Variants in TLN2 observed in about 807,000 individuals in gnomAD.
The protein encoded by TLN2 is talin 2, also known as talin-2.
Under a neutral mutation model 294.7 loss-of-function variants are expected in TLN2, and 118 were observed. The observed-to-expected ratio is 0.40, with a 90% CI of 0.34 to 0.47. The LOEUF is 0.47. Among genes scored for constraint, TLN2 ranks in the 20% least tolerant of loss-of-function variants. The probability of loss-of-function intolerance (pLI) is 0.84; values close to 1 mark genes in which losing one functional copy is unlikely to be tolerated. For synonymous variants in TLN2, 1,431 were observed against 1,304.5 expected (o/e 1.10, Z -2.09); for missense variants, 3,083 against 3,282.2 (o/e 0.94, Z 1.48).
chr15:62,788,798 C>T (rs1410027848), intron 45 of TLN2, among the ~76,000 whole-genome samples: 2 of 152,242 alleles, frequency 1.3e-5, no homozygotes, highest in African/African-American at 2.4e-5. Context: ...CCTTTTCCAG[C>T]AGTACACATT....
At chr15:62,770,884 C>A in intron 41 of TLN2, 80 bp from the exon 42 acceptor site, 2 of 1,515,552 alleles carry the variant, frequency 1.3e-6, no homozygotes, top group Non-Finnish European at 1.8e-6. Flanking sequence ...GTTCCCCTCC[C>A]GCGCCTGACT....
chr15:62,495,934 A>G (rs909648482), intron 1 of TLN2, among the ~76,000 whole-genome samples: 1 of 151,554 alleles, frequency 6.6e-6, no homozygotes, highest in Non-Finnish European at 1.5e-5. Context: ...TCTTATCTGT[A>G]AGTTCTAGGC....
At chr15:62,464,388 A>C (rs2036990418) in intron 1 of TLN2, among the ~76,000 whole-genome samples, 1 of 152,132 alleles carries the variant, frequency 6.6e-6, no homozygotes, top group Non-Finnish European at 1.5e-5. Context: ...ACACTTGGAC[A>C]CAGGAAGGGG....
chr15:62,744,359 C>G (rs2061495487), intron 32 of TLN2, among the ~76,000 whole-genome samples: 1 of 151,516 alleles, frequency 6.6e-6, no homozygotes, highest in Non-Finnish European at 1.5e-5. Flanking sequence ...TTGCAAACAC[C>G]TTGCCATCCT....
chr15:62,750,255 A>G (rs966515214), intron 33 of TLN2, 147 bp from the exon 34 acceptor site: 2 of 676,170 alleles, frequency 3.0e-6, no homozygotes, highest in African/African-American at 1.8e-5. Flanking sequence ...TCATGATACC[A>G]TGATGTAAAT....
At chr15:62,810,711 A>G (rs1015849055) in intron 52 of TLN2, among the ~76,000 whole-genome samples, 1 of 152,162 alleles carries the variant, frequency 6.6e-6, no homozygotes, top group African/African-American at 2.4e-5. Flanking sequence ...CGGAGCACCA[A>G]GAAGTAGGTA....
At chr15:62,743,507 G>A (rs1413972844) in intron 32 of TLN2, among the ~76,000 whole-genome samples, 3 of 152,142 alleles carry the variant, frequency 2.0e-5, no homozygotes, top group Non-Finnish European at 4.4e-5. Context: ...GGTTTTGGAT[G>A]CCTAGGGGAG....
chr15:62,737,082 C>G lies in TLN2; in HGVS notation c.3563C>G (p.Ala1188Gly). The G allele has an allele frequency of 6.2e-7, 1 of 1,614,188 alleles. No individual in the cohort carries two copies. The highest frequency in any genetic ancestry group is 8.5e-7 in the Non-Finnish European group (1 of 1,180,032). ...GATGCAGAGCGTCAACAAAGACTGG[C>G]TCAGGTGAGGCTAGGAATGAGAAAT... ...PGDAERQQRLAQVAKAVSHSL... is the reference protein window; with the variant it reads ...PGDAERQQRLGQVAKAVSHSL... The change falls in exon 29 of 59, where the codon GCT becomes GGT. Residue 1188 changes from alanine (A) to glycine (G), a missense_variant. Physicochemically the swap from Ala to Gly is moderately conservative, Grantham distance 60. Transcript: ENST00000636159.
intron 11 of TLN2, 98 bp from the exon 12 acceptor site, chr15:62,686,543 C>G: frequency 2.2e-6 from 3 of 1,384,312 alleles, no homozygotes; most frequent in Non-Finnish European, 2.9e-6. Context: ...TTTTGAAAGA[C>G]AGTGTATGCA....
intron 1 of TLN2, among the ~76,000 whole-genome samples, chr15:62,428,872 C>G (rs1456699382): frequency 1.3e-5 from 2 of 152,110 alleles, no homozygotes; most frequent in Non-Finnish European, 2.9e-5. Context: ...ATTTAGTATG[C>G]ATTAATTCTT....
intron 1 of TLN2, among the ~76,000 whole-genome samples, chr15:62,447,901 G>C (rs1030737622): frequency 1.3e-5 from 2 of 152,160 alleles, no homozygotes; most frequent in African/African-American, 4.8e-5. Context: ...CCAATTCGTA[G>C]GCTTGCTCAG....
At chr15:62,558,127 T>C (rs2042708456) in intron 1 of TLN2, among the ~76,000 whole-genome samples, 1 of 152,270 alleles carries the variant, frequency 6.6e-6, no homozygotes, top group Admixed American at 6.5e-5. Flanking sequence ...TAATTCGTTT[T>C]ACTAATTTAA....
chr15:62,504,952 T>TTTGTTGTTG (rs35153560), intron 1 of TLN2, among the ~76,000 whole-genome samples: 3 of 151,396 alleles, frequency 2.0e-5, no homozygotes, highest in African/African-American at 7.3e-5. Context: ...GAAACATGTT[T>TTTGTTGTTG]TTGTTGTTGT....
chr15:62,640,811 T>G (rs1348773872), intron 3 of TLN2, among the ~76,000 whole-genome samples: 1 of 152,144 alleles, frequency 6.6e-6, no homozygotes, highest in East Asian at 1.9e-4. Context: ...TTTATTTATT[T>G]ATTTTTTTGA....
At chr15:62,687,212 C>T (rs2057357805) in intron 12 of TLN2, among the ~76,000 whole-genome samples, 1 of 152,172 alleles carries the variant, frequency 6.6e-6, no homozygotes, top group Admixed American at 6.5e-5. Context: ...AATGTTTTCC[C>T]AGCCTGCCTA....
At chr15:62,731,581 A>C (rs988898073) in intron 28 of TLN2, among the ~76,000 whole-genome samples, 2 of 152,182 alleles carry the variant, frequency 1.3e-5, no homozygotes, top group African/African-American at 2.4e-5. Flanking sequence ...GCTGTTTACC[A>C]GGGCTATTCT....
intron 1 of TLN2, among the ~76,000 whole-genome samples, chr15:62,462,923 T>C (rs1285414847): frequency 1.3e-5 from 2 of 152,124 alleles, no homozygotes. Context: ...GCCACCCCCA[T>C]AGGGAGGAGG....
chr15:62,672,457 G>A (rs894853406), intron 9 of TLN2, among the ~76,000 whole-genome samples: 6 of 152,178 alleles, frequency 3.9e-5, no homozygotes, highest in African/African-American at 1.4e-4. Flanking sequence ...GAATAATCCA[G>A]GGGAGGTCAG....
chr15:62,717,443 T>C, intron 23 of TLN2, 133 bp from the exon 24 acceptor site: 1 of 486,020 alleles, frequency 2.1e-6, no homozygotes, highest in Non-Finnish European at 3.5e-6. Flanking sequence ...TCACTGGTTT[T>C]AAAAGGCAAA....
Sources: allele counts gnomAD v4.1 joint callset (sites outside exome capture counted in the v4.1 genomes callset), GRCh38; gene constraint gnomAD v4.1.1; transcripts MANE v1.5; gene names NCBI Gene and HGNC (gene_info 2026-07-23, HGNC 2026-07-21).